Variants in THSD4 observed in about 807,000 individuals in gnomAD.
THSD4 encodes the protein thrombospondin type-1 domain-containing protein 4.
In THSD4, 69 loss-of-function variants were observed where a neutral mutation model predicts 119.0. That is an observed-to-expected ratio of 0.58 (90% CI 0.48 to 0.71). THSD4 has a LOEUF of 0.71. Ranked by LOEUF, THSD4 falls within the 30% of genes least tolerant of loss-of-function variation. The pLI, the probability that THSD4 is intolerant of heterozygous loss-of-function variation, is 0.00. For synonymous variants in THSD4, 524 were observed against 540.4 expected, an observed-to-expected ratio of 0.97 and a Z score of 0.42; for missense variants, 1,393 against 1,391.1, an observed-to-expected ratio of 1.00 and a Z score of -0.02.
intron 6 of THSD4, among the ~76,000 whole-genome samples, chr15:71,380,960 G>C (rs536325642): frequency 2.0e-5 from 3 of 151,952 alleles, no homozygotes; most frequent in Non-Finnish European, 4.4e-5. Context: ...ATTTAATGTC[G>C]TCCCTCTGTA....
At chr15:71,435,230 C>T (rs2046997057) in intron 7 of THSD4, among the ~76,000 whole-genome samples, 1 of 152,058 alleles carries the variant, frequency 6.6e-6, no homozygotes, top group Non-Finnish European at 1.5e-5. Context: ...GGGAAACCAA[C>T]CCCAGACAGA....
In THSD4 at chr15:71,318,651, C is replaced by T. The variant is rs1316850681; in HGVS notation, c.1015+61936C>T. Among the ~76,000 whole-genome samples the T allele has an allele frequency of 2.0e-5, 3 of 152,148 alleles. No homozygotes were observed. The East Asian group carries it at 5.8e-4, about 29-fold the overall frequency. The stretch of plus-strand genomic sequence containing the variant: ...CTGTAGCTGAGGCTGGGACTCAGCC[C>T]ATCAGCAATCAGAAGGGCCAGAACC... On this transcript the variant is annotated intron_variant, in intron 6 of 17. Transcript: ENST00000261862.
intron 8 of THSD4, among the ~76,000 whole-genome samples, chr15:71,671,189 G>T (rs1187088977): frequency 1.3e-5 from 2 of 152,204 alleles, no homozygotes; most frequent in South Asian, 4.1e-4. Context: ...ACTGGTGTGA[G>T]ATGGTATCTC....
At chr15:71,476,832 A>G (rs1165282962) in intron 7 of THSD4, among the ~76,000 whole-genome samples, 1 of 152,232 alleles carries the variant, frequency 6.6e-6, no homozygotes, top group South Asian at 2.1e-4. Context: ...AGACTCTTCA[A>G]GAAACTTTTG....
chr15:71,250,142 G>A (rs969624464), intron 5 of THSD4, among the ~76,000 whole-genome samples: 7 of 152,098 alleles, frequency 4.6e-5, no homozygotes, highest in Non-Finnish European at 7.4e-5. Flanking sequence ...GGCTATTATG[G>A]CAAATTTTTC....
rs376565859 is a variant in THSD4 at position 71,765,166 on chromosome 15, C to T, written c.2736C>T (p.Cys912=). 19 of 1,614,072 alleles carry T rather than the reference C, an allele frequency of 1.2e-5. No individual in the cohort carries two copies. Among genetic ancestry groups the T allele is most frequent in the Middle Eastern group, 1.6e-4 (1 of 6,084 alleles). The part of the protein sequence containing the change: ...PSQQSCHLKP[C]GAKWFSTEWS... ...AGCAATCCTGCCACCTCAAGCCTTG[C>T]GGAGCCAAATGGTTTAGCACCGAAT... The change falls in exon 16 of 18, where the codon TGC becomes TGT. Residue 912 remains cysteine (C), a synonymous_variant. Transcript: ENST00000261862.
Position 71,719,272 on chromosome 15 carries a change from C to T in THSD4, c.1358-9277C>T, listed in dbSNP as rs1195491364. ...GAAAGCCAGCCTTCTGATTTTCAGT[C>T]CAAATGTGTTACATCATGTTTTAGA... On this transcript the variant is annotated intron_variant, in intron 8 of 17. Coordinates refer to ENST00000261862, the MANE Select transcript of THSD4 (RefSeq NM_024817.3). Among the ~76,000 whole-genome samples the T allele has an allele frequency of 1.4e-4, 22 of 152,180 alleles. 1 individual carries two copies. The highest frequency in any genetic ancestry group is 1.4e-3 in the Admixed American group (22 of 15,276).
intron 6 of THSD4, among the ~76,000 whole-genome samples, chr15:71,405,436 G>A (rs2046592610): frequency 6.6e-6 from 1 of 152,144 alleles, no homozygotes; most frequent in Non-Finnish European, 1.5e-5. Context: ...ACTGTCATTT[G>A]TTGCAAACAG....
intron 11 of THSD4, chr15:71,738,308 C>T (rs778903725): frequency 3.0e-5 from 9 of 298,786 alleles, no homozygotes; most frequent in Non-Finnish European, 5.6e-5. Flanking sequence ...CTCGCCCACC[C>T]ACCAGTCACC....
intron 3 of THSD4, among the ~76,000 whole-genome samples, chr15:71,173,773 G>A (rs1372903077): frequency 6.6e-6 from 1 of 151,982 alleles, no homozygotes; most frequent in Non-Finnish European, 1.5e-5. Context: ...AAAACTTACT[G>A]CAGAGCTATA....
intron 6 of THSD4, among the ~76,000 whole-genome samples, chr15:71,359,313 G>A (rs1231514835): frequency 2.6e-5 from 4 of 152,138 alleles, no homozygotes; most frequent in Non-Finnish European, 5.9e-5. Context: ...TATTAATCTT[G>A]AGTTATCTTT....
intron 1 of THSD4, among the ~76,000 whole-genome samples, chr15:71,106,147 G>C (rs556927093): frequency 6.6e-6 from 1 of 152,314 alleles, no homozygotes; most frequent in African/African-American, 2.4e-5. Flanking sequence ...AGGTCTACAG[G>C]AGAAAATTAT....
chr15:71,678,100 T>C (rs1223809305), intron 8 of THSD4, among the ~76,000 whole-genome samples: 2 of 152,220 alleles, frequency 1.3e-5, no homozygotes, highest in Admixed American at 6.5e-5. Context: ...GCAAGTCCAA[T>C]GTGGTTAACA....
Position 71,660,665 on chromosome 15 carries a change from G to A in THSD4, c.1288G>A (p.Val430Ile), listed in dbSNP as rs552707681. 36 of 1,614,062 alleles carry A rather than the reference G, an allele frequency of 2.2e-5. No individual in the cohort carries two copies. The highest frequency in any genetic ancestry group is 1.8e-4 in the South Asian group (16 of 91,084). Reference sequence around the variant, plus strand: ...CCTCACCAGCCTGGGCTACCACCGCGTCGTGGAGATTCCCGAGGGAGCCAC... The same window carrying A: ...CCTCACCAGCCTGGGCTACCACCGCATCGTGGAGATTCCCGAGGGAGCCAC... ...HALTSLGYHR[V>I]VEIPEGATKI... is the part of the protein sequence containing the mutation. The change falls in exon 8 of 18, where the codon GTC becomes ATC. Residue 430 changes from valine (V) to isoleucine (I), a missense_variant. Physicochemically the swap from Val to Ile is conservative, Grantham distance 29. Transcript: ENST00000261862.
At chr15:71,617,887 T>C (rs1374212226) in intron 7 of THSD4, among the ~76,000 whole-genome samples, 4 of 152,354 alleles carry the variant, frequency 2.6e-5, no homozygotes, top group African/African-American at 9.6e-5. Flanking sequence ...TGAAAACAAT[T>C]TTCCAGTTAG....
At chr15:71,170,851 C>T (rs925416665) in intron 3 of THSD4, among the ~76,000 whole-genome samples, 1 of 152,030 alleles carries the variant, frequency 6.6e-6, no homozygotes, top group African/African-American at 2.4e-5. Flanking sequence ...ATTAAAAAGA[C>T]ACCCAAATCT....
chr15:71,545,330 G>T (rs1453748322), intron 7 of THSD4, among the ~76,000 whole-genome samples: 1 of 152,138 alleles, frequency 6.6e-6, no homozygotes, highest in Non-Finnish European at 1.5e-5. Flanking sequence ...TGGATTGAAG[G>T]GTGATTGAGA....
At chr15:71,301,477 G>T (rs1437000202) in intron 6 of THSD4, among the ~76,000 whole-genome samples, 2 of 152,064 alleles carry the variant, frequency 1.3e-5, no homozygotes, top group Non-Finnish European at 2.9e-5. Context: ...ATATACCGTT[G>T]TGTGTTGGGG....
At chr15:71,335,942 G>C (rs749058416) in intron 6 of THSD4, among the ~76,000 whole-genome samples, 1 of 152,168 alleles carries the variant, frequency 6.6e-6, no homozygotes, top group Admixed American at 6.5e-5. Flanking sequence ...GTGGGTTGTC[G>C]GGGAATGATG....
Sources: gnomAD v4.1 joint callset for allele counts (sites outside exome capture counted in the v4.1 genomes callset) on GRCh38, gnomAD v4.1.1 for gene constraint, MANE v1.5 for transcripts, NCBI Gene and HGNC (gene_info 2026-07-23, HGNC 2026-07-21) for gene names.